Variants in MAGI1 observed in about 807,000 individuals in gnomAD.
MAGI1 encodes membrane-associated guanylate kinase, WW and PDZ domain-containing protein 1.
In MAGI1, 58 loss-of-function variants were observed where a neutral mutation model predicts 139.9. The observed-to-expected ratio is 0.41, with a 90% CI of 0.34 to 0.52. The LOEUF (loss-of-function observed/expected upper bound fraction) is 0.52. Among genes scored for constraint, MAGI1 ranks in the 20% least tolerant of loss-of-function variants. The probability of loss-of-function intolerance (pLI) is 0.12; values close to 1 mark genes in which losing one functional copy is unlikely to be tolerated. For synonymous variants in MAGI1, 812 were observed against 737.9 expected, an observed-to-expected ratio of 1.10 and a Z score of -1.63; for missense variants, 1,874 against 1,901.6, an observed-to-expected ratio of 0.99 and a Z score of 0.27.
intron 1 of MAGI1, among the ~76,000 whole-genome samples, chr3:65,812,462 T>TC (rs1442446498): frequency 1.1e-5 from 1 of 93,706 alleles, no homozygotes; most frequent in Non-Finnish European, 2.2e-5. Context: ...TCTCTCTCTC[T>TC]CTCTCTCACA....
At chr3:65,643,224 G>C (rs1303720076) in intron 1 of MAGI1, among the ~76,000 whole-genome samples, 1 of 152,114 alleles carries the variant, frequency 6.6e-6, no homozygotes, top group Admixed American at 6.6e-5. Flanking sequence ...TCCCTTAGAA[G>C]AGCTGGAAAT....
At chr3:65,803,413 T>TA (rs1160851185) in intron 1 of MAGI1, among the ~76,000 whole-genome samples, 2 of 152,170 alleles carry the variant, frequency 1.3e-5, no homozygotes, top group African/African-American at 4.8e-5. Context: ...AAATAAAAGA[T>TA]AGACTTAAAA....
chr3:65,867,818 C>A (rs1575768021), intron 1 of MAGI1, among the ~76,000 whole-genome samples: 1 of 152,020 alleles, frequency 6.6e-6, no homozygotes, highest in East Asian at 1.9e-4. Context: ...AGCTCCACAC[C>A]CTAGCCCCCA....
At chr3:66,001,763 A>C (rs1032489604) in intron 1 of MAGI1, among the ~76,000 whole-genome samples, 2 of 152,238 alleles carry the variant, frequency 1.3e-5, no homozygotes, top group Non-Finnish European at 2.9e-5. Context: ...AACAAAAAAC[A>C]AGTAGTCTGA....
In MAGI1 at chr3:65,391,195, T is replaced by C. The variant is rs1943900177; in HGVS notation, c.2363A>G (p.Lys788Arg). ...PDQTDSSGQK[K>R]PDPFKIWAQS... ...GGCCCAGATTTTAAAAGGATCTGGTTTTTTCTGGCCAGAGCTGTCAGTTTG... is the reference window on the plus strand; with the variant it reads ...GGCCCAGATTTTAAAAGGATCTGGTCTTTTCTGGCCAGAGCTGTCAGTTTG... The change falls in exon 14 of 23, where the codon AAA (lysine) becomes AGA (arginine). Residue 788 changes from lysine (K) to arginine (R), a missense_variant. This residue lies in a region of MAGI1 where 482 missense variants were observed against 509.6 expected (regional missense o/e 0.95). Coordinates refer to ENST00000402939, the MANE Select transcript of MAGI1 (RefSeq NM_001033057.2). 1.2e-6 allele frequency: 2 copies of C among 1,614,080 alleles called. No individual in the cohort carries two copies. The highest frequency in any genetic ancestry group is 1.7e-5 in the Admixed American group (1 of 59,998).
intron 1 of MAGI1, among the ~76,000 whole-genome samples, chr3:65,735,578 G>A (rs1490943189): frequency 6.6e-6 from 1 of 152,038 alleles, no homozygotes; most frequent in Non-Finnish European, 1.5e-5. Context: ...TGGTATTCAC[G>A]GCTCTTGCTA....
chr3:65,717,855 T>TC (rs1222030876), intron 1 of MAGI1, among the ~76,000 whole-genome samples: 2 of 152,058 alleles, frequency 1.3e-5, no homozygotes, highest in Non-Finnish European at 2.9e-5. Flanking sequence ...TCATCTGCCC[T>TC]CCCCTAGGGC....
intron 1 of MAGI1, among the ~76,000 whole-genome samples, chr3:65,828,034 G>C (rs970113345): frequency 6.6e-6 from 1 of 152,138 alleles, no homozygotes. Context: ...TGTTCAACTA[G>C]AGTTGATTTT....
rs745918916 is a variant in MAGI1 at position 65,939,541 on chromosome 3, CTAA to C, written c.313+98452_313+98454del. 3.8e-4 allele frequency among the ~76,000 whole-genome samples: 58 copies of C among 152,166 alleles called. 1 individual carries two copies. The highest frequency in any genetic ancestry group is 5.0e-4 in the Non-Finnish European group (34 of 68,040). On this transcript the variant is annotated intron_variant, in intron 1 of 22. Transcript: ENST00000402939. ...AATAGCCCTAACGATGGTTCATTTT[CTAA>C]CTTCAGAAAAAATATTTCAATGGTG... is the stretch of plus-strand genomic sequence containing the variant.
chr3:65,440,696 A>G (rs993556353), intron 8 of MAGI1, among the ~76,000 whole-genome samples: 2 of 152,146 alleles, frequency 1.3e-5, no homozygotes, highest in African/African-American at 4.8e-5. Flanking sequence ...CCTTAGGCAG[A>G]GAGAATCCAA....
intron 12 of MAGI1, chr3:65,402,081 T>C (rs1944944449): frequency 1.5e-5 from 3 of 196,676 alleles, no homozygotes; most frequent in Non-Finnish European, 2.8e-5. Context: ...CAAGTTGCTC[T>C]AGGGTCCCCT....
chr3:65,648,186 C>T (rs925528975), intron 1 of MAGI1, among the ~76,000 whole-genome samples: 4 of 151,650 alleles, frequency 2.6e-5, no homozygotes, highest in African/African-American at 9.7e-5. Flanking sequence ...ACACTGTCAC[C>T]TAGGCTGAAG....
At chr3:65,574,654 C>T (rs530957307) in intron 2 of MAGI1, among the ~76,000 whole-genome samples, 137 of 151,932 alleles carry the variant, frequency 9.0e-4, no homozygotes, top group Admixed American at 2.8e-3. Flanking sequence ...ATAGCAAAAA[C>T]AAATTTGAAA....
At chr3:65,392,702 T>C (rs1415954912) in intron 13 of MAGI1, among the ~76,000 whole-genome samples, 2 of 152,192 alleles carry the variant, frequency 1.3e-5, no homozygotes, top group Non-Finnish European at 2.9e-5. Flanking sequence ...CTCAGGTCCC[T>C]ATACTTCCTC....
At chr3:65,733,375 A>G (rs1028733019) in intron 1 of MAGI1, among the ~76,000 whole-genome samples, 1 of 152,190 alleles carries the variant, frequency 6.6e-6, no homozygotes, top group Non-Finnish European at 1.5e-5. Flanking sequence ...TTGTGTTTTT[A>G]AATGAAAAGC....
At chr3:65,496,850 A>C (rs531852648) in intron 2 of MAGI1, among the ~76,000 whole-genome samples, 1 of 152,200 alleles carries the variant, frequency 6.6e-6, no homozygotes, top group Non-Finnish European at 1.5e-5. Context: ...TCAGCTCATC[A>C]CACCATGCTA....
chr3:65,609,117 G>A (rs1460474063), intron 2 of MAGI1, among the ~76,000 whole-genome samples: 3 of 152,146 alleles, frequency 2.0e-5, no homozygotes, highest in East Asian at 1.9e-4. Flanking sequence ...GGAGACACAA[G>A]GGAGCTGCTG....
At chr3:65,487,125 T>C (rs1472132171) in intron 3 of MAGI1, among the ~76,000 whole-genome samples, 1 of 152,220 alleles carries the variant, frequency 6.6e-6, no homozygotes, top group Non-Finnish European at 1.5e-5. Context: ...GCGTTTTTAT[T>C]TGCTAAATCC....
rs145832038 is a variant in MAGI1 at position 65,570,479 on chromosome 3, T to C, written c.430+51493A>G. Among the ~76,000 whole-genome samples the C allele has an allele frequency of 6.6e-3, 1,006 of 152,124 alleles. 3 individuals are homozygous for C. Among genetic ancestry groups the C allele is most frequent in the Non-Finnish European group, 0.011 (754 of 68,014 alleles). On this transcript the variant is annotated intron_variant, in intron 2 of 22. Coordinates refer to ENST00000402939, the MANE Select transcript of MAGI1 (RefSeq NM_001033057.2). ...AATATAACAATGAAGAAAAATTATA[T>C]ATAGCTTAGAAATTAAAAGTTGCAC...
Sources: gnomAD v4.1 joint callset for allele counts (sites outside exome capture counted in the v4.1 genomes callset) on GRCh38, gnomAD v4.1.1 for gene constraint, gnomAD v4.1.1 regional missense constraint, MANE v1.5 for transcripts, NCBI Gene and HGNC (gene_info 2026-07-23, HGNC 2026-07-21) for gene names.